Variants in CHRNB4 observed in about 807,000 individuals in gnomAD.
The protein encoded by CHRNB4 is neuronal acetylcholine receptor subunit beta-4.
A neutral mutation model predicts 40.4 loss-of-function variants in CHRNB4; 23 were observed. That is an observed-to-expected ratio of 0.57 (90% CI 0.41 to 0.81). The LOEUF (loss-of-function observed/expected upper bound fraction) is 0.81, where lower values mean the gene tolerates loss of function less well. CHRNB4 is among the 30% of genes least tolerant of loss of function. CHRNB4 has a pLI of 0.00. For synonymous variants in CHRNB4, 285 were observed against 274.4 expected (o/e 1.04, Z -0.38); for missense variants, 568 against 670.6 (o/e 0.85, Z 1.69).
At chr15:78,643,298 T>C (rs961752365), upstream of CHRNB4, among the ~76,000 whole-genome samples, 1 of 152,050 alleles carries the variant, frequency 6.6e-6, no homozygotes, top group African/African-American at 2.4e-5. Flanking sequence ...TGCCCAGGCC[T>C]GAGTGGAGTG....
Position 78,626,339 on chromosome 15 carries a change from GGGGTGT to G in CHRNB4, c.1339-1054_1339-1049del, listed in dbSNP as rs1279937616. On this transcript the variant is annotated intron_variant, in intron 5 of 5. Transcript: ENST00000261751. ...TTTTTAACAGCCCTAATTTCAAGCG[GGGGTGT>G]GTGTGTGTGTGTGTGTGTGTGTGTG... The G allele has an allele frequency of 5.6e-3, 569 of 101,002 alleles. 4 individuals carry two copies. Among genetic ancestry groups the G allele is most frequent in the African/African-American group, 0.02 (545 of 26,860 alleles). The allele number at this position is 101,002 out of a possible 1,614,324, so 6.3% of individuals were successfully genotyped here. A position where few individuals can be genotyped will look rare whatever the true frequency, so the allele number is the denominator to read the frequency against.
chr15:78,640,839 C>T (rs1019387481), intron 1 of CHRNB4, among the ~76,000 whole-genome samples: 2 of 152,230 alleles, frequency 1.3e-5, no homozygotes, highest in African/African-American at 4.8e-5. Context: ...GGCCCTGGCC[C>T]TGGCAGCGGC....
At chr15:78,633,304 T>C (rs566801250) in intron 2 of CHRNB4, among the ~76,000 whole-genome samples, 2 of 152,314 alleles carry the variant, frequency 1.3e-5, no homozygotes, top group Non-Finnish European at 2.9e-5. Context: ...TTAAATAAAG[T>C]AGAAATTCAT....
At chr15:78,632,153 C>CT (rs1555422116) in intron 2 of CHRNB4, among the ~76,000 whole-genome samples, 3 of 108,412 alleles carry the variant, frequency 2.8e-5, no homozygotes, top group African/African-American at 9.0e-5. Context: ...TTCTTTCTGT[C>CT]TTTCTTTTCT....
intron 1 of CHRNB4, among the ~76,000 whole-genome samples, chr15:78,659,452 A>G (rs1237318826): frequency 6.6e-6 from 1 of 152,110 alleles, no homozygotes; most frequent in East Asian, 1.9e-4. Flanking sequence ...AAAAAGAAAC[A>G]TACAGGATAA....
intron 5 of CHRNB4, chr15:78,655,398 C>T (rs767522329): frequency 2.0e-4 from 28 of 139,376 alleles, no homozygotes; most frequent in Non-Finnish European, 3.0e-4. Flanking sequence ...TGTATATATA[C>T]GTTACATATC....
rs147415583 is a variant in CHRNB4, at chr15:78,629,056, A to G, written c.1249T>C (p.Ser417Pro). 238 of 1,614,048 alleles carry G rather than the reference A, an allele frequency of 1.5e-4. No individual in the cohort carries two copies. The highest frequency in any genetic ancestry group is 3.0e-4 in the Admixed American group (18 of 60,006). ...AIPRDFWLRS[S>P]GRFRQDVQEA... ...TGCACATCCTGTCGGAACCTCCCAG[A>G]GGACCGCAGCCAGAAATCCCTGGGG... Residue 417 changes from serine to proline, a missense_variant, in exon 5 of 6, where the codon TCT becomes CCT. Ser to Pro is a moderately conservative substitution (Grantham distance 74). This residue lies in a region of CHRNB4 where 242 missense variants were observed against 274.9 expected (regional missense o/e 0.88). Coordinates refer to ENST00000261751, the MANE Select transcript of CHRNB4 (RefSeq NM_000750.5). The surrounding 1 kb of genome is among the most constrained non-coding windows in gnomAD (Gnocchi z 6.8).
chr15:78,635,687 T>C, intron 1 of CHRNB4, 100 bp from the exon 2 acceptor site: 3 of 1,516,296 alleles, frequency 2.0e-6, no homozygotes, highest in Non-Finnish European at 2.7e-6. Context: ...CAGGTGCCCT[T>C]AGGGCTGGCT....
intron 5 of CHRNB4, chr15:78,626,772 G>C (rs1049304125): frequency 6.6e-6 from 1 of 152,248 alleles, no homozygotes; most frequent in Non-Finnish European, 1.5e-5. Context: ...ATGTATGTCA[G>C]CTCCCAGCAG....
intron 1 of CHRNB4, among the ~76,000 whole-genome samples, chr15:78,659,855 A>T (rs2054238579): frequency 6.6e-6 from 1 of 152,192 alleles, no homozygotes; most frequent in Admixed American, 6.5e-5. Flanking sequence ...GATGAAGACA[A>T]GAGTCTAGGG....
At chr15:78,627,003 G>A (rs903918171) in intron 5 of CHRNB4, 1 of 152,198 alleles carries the variant, frequency 6.6e-6, no homozygotes, top group Non-Finnish European at 1.5e-5. Flanking sequence ...ATGTGCACAC[G>A]AACCACCAGG....
intron 1 of CHRNB4, among the ~76,000 whole-genome samples, chr15:78,659,334 T>G (rs1001248625): frequency 5.3e-5 from 8 of 152,022 alleles, no homozygotes; most frequent in African/African-American, 1.7e-4. Context: ...CTCAGGAGGC[T>G]GAGGTGGGAG....
At chr15:78,660,586 A>G (rs1178654738), upstream of CHRNB4, 1 of 154,110 alleles carries the variant, frequency 6.5e-6, no homozygotes, top group Non-Finnish European at 1.4e-5. Flanking sequence ...AGGCTCATAG[A>G]GGGCCCCACG....
At chr15:78,635,247 G>T (rs12440298) in intron 2 of CHRNB4, among the ~76,000 whole-genome samples, 192 bp downstream of exon 2, 126,709 of 152,192 alleles carry the variant, frequency 0.83, 56,459 homozygotes, top group Non-Finnish European at 0.99. Context: ...TTCTTTGTTA[G>T]AACAAAATCA....
At chr15:78,630,569 T>C (rs2053783333) in intron 4 of CHRNB4, among the ~76,000 whole-genome samples, 1 of 152,202 alleles carries the variant, frequency 6.6e-6, no homozygotes, top group Admixed American at 6.5e-5. Context: ...AGTGACTTCT[T>C]CAAGGTCAGA....
chr15:78,661,341 G>A (rs1015330111), upstream of CHRNB4: 17 of 564,832 alleles, frequency 3.0e-5, no homozygotes, highest in Middle Eastern at 5.7e-4. Flanking sequence ...TCCTGAACCC[G>A]CACATCATCC....
At chr15:78,651,117 A>G (rs1469407667) in intron 6 of CHRNB4, among the ~76,000 whole-genome samples, 1 of 152,070 alleles carries the variant, frequency 6.6e-6, no homozygotes, top group African/African-American at 2.4e-5. Flanking sequence ...TTCCTGAAAA[A>G]CAGCTGAAGC....
intron 5 of CHRNB4, chr15:78,625,862 T>G (rs998639220): frequency 1.3e-5 from 2 of 152,354 alleles, no homozygotes; most frequent in Admixed American, 6.5e-5. Context: ...CTCTCTGGTC[T>G]TCTTAGATCC....
intron 2 of CHRNB4, among the ~76,000 whole-genome samples, chr15:78,632,195 T>C (rs1348280915): frequency 1.5e-5 from 2 of 133,176 alleles, no homozygotes; most frequent in African/African-American, 6.7e-5. Context: ...CTTTCTTTCT[T>C]TCTTTCTTTC....
Sources: gnomAD v4.1 joint callset for allele counts (sites outside exome capture counted in the v4.1 genomes callset) on GRCh38, gnomAD v4.1.1 for gene constraint, gnomAD v4.1.1 regional missense constraint, Gnocchi (gnomAD v3.1) non-coding constraint, MANE v1.5 for transcripts, NCBI Gene and HGNC (gene_info 2026-07-23, HGNC 2026-07-21) for gene names.